PLA2G6: variants seen among roughly 807,000 people sequenced by gnomAD.
The protein encoded by PLA2G6 is phospholipase A2 group VI, also known as 85/88 kDa calcium-independent phospholipase A2.
A neutral mutation model predicts 83.8 loss-of-function variants in PLA2G6; 62 were observed. The ratio of observed to expected loss-of-function variants is 0.74; its 90% CI spans 0.60 to 0.91. The LOEUF is 0.91. Ranked by LOEUF, PLA2G6 falls within the 40% of genes least tolerant of loss-of-function variation. PLA2G6 has a pLI of 0.00. For missense variants in PLA2G6, 944 were observed against 1,102.0 expected (o/e 0.86, Z 2.03); for synonymous variants, 417 against 449.8 (o/e 0.93, Z 0.92).
chr22:38,152,347 T>C (rs957623090), intron 2 of PLA2G6, among the ~76,000 whole-genome samples: 2 of 152,050 alleles, frequency 1.3e-5, no homozygotes, highest in Non-Finnish European at 2.9e-5. Flanking sequence ...ATTACAGGCA[T>C]GCACCACCAT....
chr22:38,151,898 C>T (rs141965306), intron 2 of PLA2G6, among the ~76,000 whole-genome samples: 2 of 152,310 alleles, frequency 1.3e-5, no homozygotes, highest in East Asian at 1.9e-4. Flanking sequence ...CAGAAGAAGA[C>T]ACAATCTTGA....
Position 38,122,954 on chromosome 22 carries a change from CCCCGCCCCTG to C in PLA2G6, c.1591+131_1591+140del, listed in dbSNP as rs11570732. 89,662 of 846,950 alleles carry C rather than the reference CCCCGCCCCTG, an allele frequency of 0.11. 4,984 individuals are homozygous for C. Among genetic ancestry groups the C allele is most frequent in the African/African-American group, 0.18 (10,688 of 60,122 alleles). The allele number at this position is 846,950 out of a possible 1,614,324, so 52.5% of individuals were successfully genotyped here. A position where few individuals can be genotyped will look rare whatever the true frequency, so the allele number is the denominator to read the frequency against. ...CAGCCTGGGACCTCAGCACCTGCAG[CCCCGCCCCTG>C]CCTCCTCAAAGTGCTTATAGCCCTC... is the stretch of plus-strand genomic sequence containing the variant. On this transcript the variant is annotated intron_variant, in intron 11 of 16. Coordinates refer to ENST00000332509, the MANE Select transcript of PLA2G6 (RefSeq NM_003560.4).
intron 7 of PLA2G6, chr22:38,130,864 G>A (rs556087524): frequency 3.3e-5 from 5 of 152,060 alleles, no homozygotes; most frequent in Admixed American, 2.0e-4. Flanking sequence ...AGCCAGGTGT[G>A]GTGGCGCATG....
At chr22:38,121,193 C>A (rs1602090027) in intron 11 of PLA2G6, among the ~76,000 whole-genome samples, 1 of 152,108 alleles carries the variant, frequency 6.6e-6, no homozygotes, top group Admixed American at 6.5e-5. Context: ...GCCTGCCCAA[C>A]ATGGTGAAAC....
At chr22:38,169,543 C>T in intron 1 of PLA2G6, 72 bp from the exon 2 acceptor site, 1 of 827,516 alleles carries the variant, frequency 1.2e-6, no homozygotes, top group Admixed American at 2.0e-5. Context: ...GCAGCGGTTT[C>T]CTGCACAGAC....
chr22:38,127,142 A>ACT, intron 9 of PLA2G6: 1 of 1,135,206 alleles, frequency 8.8e-7, no homozygotes, highest in Non-Finnish European at 1.1e-6. Context: ...CGTGACCCCA[A>ACT]CTCTGACAGC....
chr22:38,165,695 G>C (rs921025863), intron 2 of PLA2G6, among the ~76,000 whole-genome samples: 1 of 151,972 alleles, frequency 6.6e-6, no homozygotes, highest in African/African-American at 2.4e-5. Context: ...AAGAGTAGAT[G>C]GTGAAACCCC....
chr22:38,166,836 A>G lies in PLA2G6; in HGVS notation c.209+2382T>C, dbSNP rs116219684. Among the ~76,000 whole-genome samples, 1,409 of 152,338 alleles carry G rather than the reference A, an allele frequency of 9.2e-3. 26 individuals carry two copies. Among genetic ancestry groups the G allele is most frequent in the African/African-American group, 0.032 (1,313 of 41,570 alleles). On this transcript the variant is annotated intron_variant, in intron 2 of 16. Coordinates refer to ENST00000332509, the MANE Select transcript of PLA2G6 (RefSeq NM_003560.4). ...TCTGTTTCTTCACTGCTTCCTGTGT[A>G]TAAGTGGGATGAATCACTTATCATC...
At position 38,177,170 on chromosome 22, in the gene PLA2G6, G is replaced by A. The variant is rs547918278; in HGVS notation, c.-46+4494C>T. ...GGGGGATTGCCTGCCTATGTCCTCT[G>A]ACTCTTGAACAGCACTAGGCAAAGG... is the stretch of plus-strand genomic sequence containing the variant. On this transcript the variant is annotated intron_variant, in intron 1 of 16. Transcript: ENST00000332509. Among the ~76,000 whole-genome samples, 87 of 152,236 alleles carry A rather than the reference G, an allele frequency of 5.7e-4. 1 individual carries two copies. Among genetic ancestry groups the A allele is most frequent in the Non-Finnish European group, 5.0e-4 (34 of 68,012 alleles).
chr22:38,134,606 A>ATAG, intron 6 of PLA2G6: 1 of 229,464 alleles, frequency 4.4e-6, no homozygotes, highest in African/African-American at 2.3e-5. Flanking sequence ...CTCTCTATAT[A>ATAG]TATATCTCCT....
intron 10 of PLA2G6, 100 bp downstream of exon 10, chr22:38,126,271 A>T (rs1283324579): frequency 2.3e-6 from 2 of 874,244 alleles, no homozygotes; most frequent in Admixed American, 1.7e-5. Context: ...GCCGGCTGTG[A>T]GGGTGCAGAG....
rs577631514 is a variant in PLA2G6 at position 38,139,905 on chromosome 22, T to G, written c.797+77A>C. On this transcript the variant is annotated intron_variant, in intron 5 of 16. Transcript: ENST00000332509. ...TGCTAAGATCTATGGTGGATACTGC[T>G]TGCCTCAGGCACGGGACAGGTGACA... is the stretch of plus-strand genomic sequence containing the variant. 14 of 1,193,716 alleles carry G rather than the reference T, an allele frequency of 1.2e-5. No individual in the cohort carries two copies. In the South Asian group the frequency reaches 1.7e-4, roughly 14 times the overall value. 73.9% of individuals were successfully genotyped at this position (1,193,716 alleles called of 1,614,324 possible).
chr22:38,172,844 C>A (rs576433752), intron 1 of PLA2G6, among the ~76,000 whole-genome samples: 22 of 152,354 alleles, frequency 1.4e-4, no homozygotes, highest in African/African-American at 4.3e-4. Context: ...GTGTACCCCC[C>A]ACCAGAGCCT....
At chr22:38,115,998 G>A in intron 13 of PLA2G6, 77 bp downstream of exon 13, 4 of 1,557,538 alleles carry the variant, frequency 2.6e-6, no homozygotes, top group South Asian at 2.2e-5. Flanking sequence ...CTGATGGCAA[G>A]TGCACGACTC....
intron 2 of PLA2G6, chr22:38,147,170 GCC>G (rs1033256272): frequency 2.0e-5 from 3 of 152,214 alleles, no homozygotes; most frequent in Non-Finnish European, 4.4e-5. Context: ...CCCTCTCTGA[GCC>G]CCATTTGAAA....
chr22:38,150,840 A>G (rs575775676), intron 2 of PLA2G6, among the ~76,000 whole-genome samples: 5 of 152,226 alleles, frequency 3.3e-5, no homozygotes, highest in Admixed American at 2.6e-4. Flanking sequence ...TAATCCCAGC[A>G]CTTTGGGAGG....
intron 2 of PLA2G6, chr22:38,146,006 G>T: frequency 3.1e-6 from 1 of 319,896 alleles, no homozygotes; most frequent in Non-Finnish European, 6.1e-6. Flanking sequence ...CTGAGTAGCT[G>T]GGATTACAGG....
At chr22:38,144,112 G>A (rs991880361) in intron 3 of PLA2G6, 1 of 156,088 alleles carries the variant, frequency 6.4e-6, no homozygotes, top group South Asian at 2.0e-4. Context: ...CTCAGAGGAG[G>A]TGTGGCTACC....
intron 7 of PLA2G6, chr22:38,131,854 C>G (rs1295476348): frequency 3.4e-6 from 1 of 297,578 alleles, no homozygotes; most frequent in African/African-American, 2.3e-5. Flanking sequence ...TTTGGGGTGC[C>G]AAGGCGGGTG....
Sources: gnomAD v4.1 joint callset for allele counts (sites outside exome capture counted in the v4.1 genomes callset) on GRCh38, gnomAD v4.1.1 for gene constraint, MANE v1.5 for transcripts, NCBI Gene and HGNC (gene_info 2026-07-23, HGNC 2026-07-21) for gene names.